Variants in ACTR3C observed in about 807,000 individuals in gnomAD.
The protein encoded by ACTR3C is actin related protein 3C, also known as actin-related protein 3C.
A neutral mutation model predicts 26.3 loss-of-function variants in ACTR3C; 18 were observed. The ratio of observed to expected loss-of-function variants is 0.68; its 90% CI spans 0.47 to 1.01. The LOEUF is 1.01. Ranked by LOEUF, ACTR3C falls within the 50% of genes least tolerant of loss-of-function variation. The pLI is 0.00. For missense variants in ACTR3C, 184 were observed against 250.7 expected (o/e 0.73, Z 1.80); for synonymous variants, 55 against 94.5 (o/e 0.58, Z 2.42).
chr7:150,276,053 CT>C (rs1834851235), intron 6 of ACTR3C, among the ~76,000 whole-genome samples: 1 of 152,182 alleles, frequency 6.6e-6, no homozygotes, highest in Admixed American at 6.5e-5. Context: ...TAAACCACCT[CT>C]GCAGATGGAA....
the ACTR3C span, among the ~76,000 whole-genome samples, chr7:150,092,819 A>T: frequency 6.6e-6 from 1 of 151,274 alleles, no homozygotes; most frequent in Admixed American, 6.6e-5. Flanking sequence ...TCCTCTGCCC[A>T]CACACCTGGC....
At chr7:149,936,511 GAA>G in the ACTR3C span, among the ~76,000 whole-genome samples, 14 of 152,220 alleles carry the variant, frequency 9.2e-5, no homozygotes, top group Non-Finnish European at 2.9e-5. Context: ...GATGACTTTA[GAA>G]AGCCTGCATT....
the ACTR3C span, among the ~76,000 whole-genome samples, chr7:150,135,073 T>C: frequency 5.9e-5 from 9 of 152,156 alleles, no homozygotes; most frequent in Non-Finnish European, 1.2e-4. Context: ...GGATTACAGG[T>C]GTGAGCCACC....
At chr7:150,039,417 G>A in the ACTR3C span, among the ~76,000 whole-genome samples, 1 of 46,748 alleles carries the variant, frequency 2.1e-5, no homozygotes, top group Non-Finnish European at 4.7e-5. Context: ...CTGGCTCTCA[G>A]TCCCTGCCTC....
chr7:149,997,314 T>C, the ACTR3C span, among the ~76,000 whole-genome samples: 2 of 152,176 alleles, frequency 1.3e-5, no homozygotes, highest in African/African-American at 4.8e-5. Flanking sequence ...TTAATAATTT[T>C]AAGCCATTTC....
the ACTR3C span, among the ~76,000 whole-genome samples, chr7:150,017,643 T>C: frequency 3.3e-5 from 5 of 149,384 alleles, no homozygotes; most frequent in African/African-American, 1.3e-4. Flanking sequence ...CCAGCCCAAT[T>C]TCATTTTCCA....
the ACTR3C span, among the ~76,000 whole-genome samples, chr7:150,182,057 T>G: frequency 6.6e-6 from 1 of 150,550 alleles, no homozygotes; most frequent in Non-Finnish European, 1.5e-5. Context: ...GACTGGGGTT[T>G]GTGGCAGTCC....
chr7:149,968,527 C>T, the ACTR3C span, among the ~76,000 whole-genome samples: 6 of 152,202 alleles, frequency 3.9e-5, no homozygotes, highest in African/African-American at 1.2e-4. Context: ...GGCGAGACTC[C>T]GTCTCAAAAA....
the ACTR3C span, among the ~76,000 whole-genome samples, chr7:149,884,928 T>C: frequency 6.6e-6 from 1 of 152,130 alleles, no homozygotes; most frequent in African/African-American, 2.4e-5. Context: ...CTCCCAAGGG[T>C]TTTGGTGCTA....
the ACTR3C span, among the ~76,000 whole-genome samples, chr7:150,148,459 A>G: frequency 1.3e-5 from 2 of 152,098 alleles, no homozygotes; most frequent in Non-Finnish European, 2.9e-5. Flanking sequence ...CCTGGGCGAC[A>G]GAGCAAGACA....
At chr7:150,024,768 A>C in the ACTR3C span, among the ~76,000 whole-genome samples, 2 of 145,196 alleles carry the variant, frequency 1.4e-5, no homozygotes, top group Non-Finnish European at 3.0e-5. Flanking sequence ...GTTGGGCTGG[A>C]AGAATGATAC....
the ACTR3C span, among the ~76,000 whole-genome samples, chr7:150,095,762 G>A: frequency 2.0e-5 from 3 of 150,292 alleles, no homozygotes; most frequent in Non-Finnish European, 4.4e-5. Context: ...TATTATAGGC[G>A]ACAAATGTAC....
the ACTR3C span, among the ~76,000 whole-genome samples, chr7:150,221,126 A>T: frequency 1.3e-5 from 2 of 152,386 alleles, no homozygotes; most frequent in Non-Finnish European, 2.9e-5. Context: ...GCGCTCTGTC[A>T]GTTGAGCAGG....
At chr7:150,180,028 G>A in the ACTR3C span, among the ~76,000 whole-genome samples, 24 of 150,960 alleles carry the variant, frequency 1.6e-4, no homozygotes, top group South Asian at 2.1e-4. Flanking sequence ...TTCCGTGGCC[G>A]GGCGCAGTGG....
At chr7:149,944,308 C>T in the ACTR3C span, among the ~76,000 whole-genome samples, 2 of 152,090 alleles carry the variant, frequency 1.3e-5, no homozygotes, top group African/African-American at 2.4e-5. Context: ...CTAAGGTTAC[C>T]TCCTGATAAT....
intron 4 of ACTR3C, among the ~76,000 whole-genome samples, chr7:150,289,222 C>T (rs926670005): frequency 1.3e-5 from 2 of 151,860 alleles, no homozygotes; most frequent in African/African-American, 2.4e-5. Flanking sequence ...GTACGCTGTA[C>T]CAGCTACCAA....
chr7:149,994,287 G>A, the ACTR3C span, among the ~76,000 whole-genome samples: 1 of 152,160 alleles, frequency 6.6e-6, no homozygotes, highest in Non-Finnish European at 1.5e-5. Flanking sequence ...GCTGAATGAG[G>A]GGTCCCCACA....
At chr7:149,984,336 C>T in the ACTR3C span, among the ~76,000 whole-genome samples, 3 of 151,754 alleles carry the variant, frequency 2.0e-5, no homozygotes, top group Admixed American at 6.6e-5. Flanking sequence ...CCTGAGGAGC[C>T]GGGGTTACAG....
chr7:149,983,628 G>A, the ACTR3C span, among the ~76,000 whole-genome samples: 3,266 of 150,308 alleles, frequency 0.022, 125 homozygotes, highest in African/African-American at 0.075. Context: ...TTCCAGGTAC[G>A]TATCCAAAAT....
Sources: gnomAD v4.1 joint callset for allele counts (sites outside exome capture counted in the v4.1 genomes callset) on GRCh38, gnomAD v4.1.1 for gene constraint, MANE v1.5 for transcripts, NCBI Gene and HGNC (gene_info 2026-07-23, HGNC 2026-07-21) for gene names.